PLCH1: variants seen among roughly 807,000 people sequenced by gnomAD.
The protein encoded by PLCH1 is 1-phosphatidylinositol 4,5-bisphosphate phosphodiesterase eta-1.
In PLCH1, 60 loss-of-function variants were observed where a neutral mutation model predicts 126.7. That is an observed-to-expected ratio of 0.47 (90% CI 0.38 to 0.59). The LOEUF is 0.59. PLCH1 is among the 20% of genes least tolerant of loss of function. The probability of loss-of-function intolerance (pLI) is 0.00; values close to 1 mark genes in which losing one functional copy is unlikely to be tolerated. For missense variants in PLCH1, 1,723 were observed against 2,040.0 expected (o/e 0.84, Z 2.99); for synonymous variants, 719 against 734.9 (o/e 0.98, Z 0.35).
intron 12 of PLCH1, among the ~76,000 whole-genome samples, chr3:155,506,188 C>T (rs66977664): frequency 0.15 from 23,376 of 151,804 alleles, 2,337 homozygotes; most frequent in African/African-American, 0.29. Flanking sequence ...TAATTAAATT[C>T]CAATTTTACA....
In PLCH1 at chr3:155,596,427, T is replaced by C. The variant is rs372492178; in HGVS notation, c.80-49A>G. The stretch of plus-strand genomic sequence containing the variant: ...CCAGCTATCACACAATGCACAGGCA[T>C]ACTGGTGTCCAGGTTTTAGAGTCAA... On this transcript the variant is annotated intron_variant, in intron 2 of 22. Transcript: ENST00000460012. The C allele has an allele frequency of 6.6e-6, 10 of 1,514,150 alleles. No individual in the cohort carries two copies. In the South Asian group the frequency reaches 8.5e-5, roughly 13 times the overall value. The allele number at this position is 1,514,150 out of a possible 1,614,324, so 93.8% of individuals were successfully genotyped here. A position where few individuals can be genotyped will look rare whatever the true frequency, so the allele number is the denominator to read the frequency against.
intron 12 of PLCH1, among the ~76,000 whole-genome samples, chr3:155,508,529 A>G (rs1718978126): frequency 7.4e-6 from 1 of 134,474 alleles, no homozygotes; most frequent in Non-Finnish European, 1.5e-5. Context: ...AATACGTCCC[A>G]TCAATACCTA....
intron 1 of PLCH1, among the ~76,000 whole-genome samples, chr3:155,717,501 C>A (rs1747613124): frequency 1.3e-5 from 2 of 152,230 alleles, no homozygotes; most frequent in South Asian, 4.1e-4. Flanking sequence ...GGGAGGCTAC[C>A]AAGCCTCATT....
In PLCH1 at chr3:155,497,372, A is replaced by G. The variant is rs754856146; in HGVS notation, c.1842T>C (p.Ser614=). ...CGGAGTTTGTGTACACAACCAAATC[A>G]GAGAGTTCTCGGCAGAGCTTCATGG... The part of the protein sequence containing the change: ...RKTMKLCREL[S]DLVVYTNSVA... Residue 614 remains serine, a synonymous_variant, in exon 15 of 23, where the codon TCT becomes TCC. Transcript: ENST00000460012. 13 of 1,614,066 alleles carry G rather than the reference A, an allele frequency of 8.1e-6. No individual in the cohort carries two copies. The highest frequency in any genetic ancestry group is 1.1e-5 in the Non-Finnish European group (13 of 1,179,908).
chr3:155,486,626 G>A (rs1434167668), intron 21 of PLCH1, among the ~76,000 whole-genome samples: 3 of 146,826 alleles, frequency 2.0e-5, no homozygotes, highest in East Asian at 2.1e-4. Context: ...CCGGGTTCAC[G>A]CCATTCTCCT....
intron 22 of PLCH1, among the ~76,000 whole-genome samples, chr3:155,483,751 G>GT (rs1714557112): frequency 6.6e-6 from 1 of 152,052 alleles, no homozygotes; most frequent in South Asian, 2.1e-4. Context: ...AAAAGTGGCA[G>GT]TAAGTTGTCA....
At position 155,633,964 on chromosome 3, in the gene PLCH1, C is replaced by CT. The variant is rs933800955; in HGVS notation, c.80-37587dup. ...CATGGTGAAGCATTCCTGACTCCATCTTTTTTTTTAACTTAAAGGTATTAT... is the reference window on the plus strand; with the variant it reads ...CATGGTGAAGCATTCCTGACTCCATCTTTTTTTTTTAACTTAAAGGTATTAT... On this transcript the variant is annotated intron_variant, in intron 2 of 22. Transcript: ENST00000460012. Among the ~76,000 whole-genome samples, 7 of 151,392 alleles carry CT rather than the reference C, an allele frequency of 4.6e-5. No homozygotes were observed. In the East Asian group the frequency reaches 1.4e-3, roughly 29 times the overall value.
intron 21 of PLCH1, 71 bp from the exon 22 acceptor site, chr3:155,485,781 C>T: frequency 4.3e-6 from 4 of 922,240 alleles, no homozygotes; most frequent in Non-Finnish European, 6.5e-6. Context: ...TTGAAAATGA[C>T]AGCTCCATGA....
At chr3:155,608,295 C>T (rs761965310) in intron 2 of PLCH1, among the ~76,000 whole-genome samples, 1 of 152,134 alleles carries the variant, frequency 6.6e-6, no homozygotes, top group Non-Finnish European at 1.5e-5. Flanking sequence ...ATAATAATTT[C>T]GACTGAGCAT....
rs115033751 is a variant in PLCH1 at position 155,495,969 on chromosome 3, A to C, written c.1894+1351T>G. 6.4e-3 allele frequency among the ~76,000 whole-genome samples: 982 copies of C among 152,318 alleles called. 9 individuals carry two copies. Among genetic ancestry groups the C allele is most frequent in the African/African-American group, 0.023 (937 of 41,566 alleles). On this transcript the variant is annotated intron_variant, in intron 15 of 22. Coordinates refer to ENST00000460012, the MANE Select transcript of PLCH1 (RefSeq NM_014996.4). ...TATAGGAGAAAATATCTTTTTGACA[A>C]GCCTAATTCAGATAGAATAGGACTA...
intron 10 of PLCH1, among the ~76,000 whole-genome samples, chr3:155,534,504 T>A (rs1723097959): frequency 6.6e-6 from 1 of 152,204 alleles, no homozygotes; most frequent in South Asian, 2.1e-4. Flanking sequence ...GGGACTTCCC[T>A]CGTCTCAGAT....
intron 4 of PLCH1, among the ~76,000 whole-genome samples, chr3:155,593,737 A>G (rs1298628841): frequency 6.6e-6 from 1 of 152,216 alleles, no homozygotes; most frequent in Non-Finnish European, 1.5e-5. Context: ...TCCTGAGTTC[A>G]TACAAGCTTA....
At chr3:155,565,234 G>A in intron 7 of PLCH1, 116 bp from the exon 8 acceptor site, 3 of 660,556 alleles carry the variant, frequency 4.5e-6, no homozygotes, top group South Asian at 3.7e-5. Context: ...TTACCCTCAG[G>A]ATGGCATTTG....
chr3:155,708,628 T>C (rs1746864070), intron 1 of PLCH1, among the ~76,000 whole-genome samples: 1 of 152,198 alleles, frequency 6.6e-6, no homozygotes, highest in African/African-American at 2.4e-5. Flanking sequence ...TTAGACAATT[T>C]ATATTACATT....
In PLCH1 at chr3:155,676,017, T is replaced by A. The variant is rs1476622087; in HGVS notation, c.79+28129A>T. 4 of 1,538,392 alleles carry A rather than the reference T, an allele frequency of 2.6e-6. No homozygotes were observed. In the African/African-American group the frequency reaches 5.5e-5, roughly 21 times the overall value. On this transcript the variant is annotated intron_variant, in intron 2 of 22. Coordinates refer to ENST00000460012, the MANE Select transcript of PLCH1 (RefSeq NM_014996.4). ...CTTACCTTTTTCTGGACTTAAGTTTTTATACACTTCAAGGTCTGCCATTAA... is the reference window on the plus strand; with the variant it reads ...CTTACCTTTTTCTGGACTTAAGTTTATATACACTTCAAGGTCTGCCATTAA...
chr3:155,451,701 G>A (rs1712312620), intron 21 of PLCH1, among the ~76,000 whole-genome samples: 1 of 152,102 alleles, frequency 6.6e-6, no homozygotes, highest in African/African-American at 2.4e-5. Flanking sequence ...TAAAAGTAAT[G>A]GCAAAATACT....
chr3:155,560,059 G>A (rs950018313), intron 8 of PLCH1, among the ~76,000 whole-genome samples: 2 of 152,096 alleles, frequency 1.3e-5, no homozygotes, highest in Non-Finnish European at 2.9e-5. Context: ...TTTTGGACAG[G>A]TAAACCAAAA....
downstream of PLCH1, among the ~76,000 whole-genome samples, chr3:155,479,596 C>G (rs955689580): frequency 5.3e-5 from 8 of 151,988 alleles, no homozygotes; most frequent in South Asian, 1.7e-3. Flanking sequence ...CCGCTTCCCT[C>G]CCACCACCCA....
At chr3:155,575,934 C>G (rs1013063314) in intron 6 of PLCH1, among the ~76,000 whole-genome samples, 1 of 152,206 alleles carries the variant, frequency 6.6e-6, no homozygotes, top group African/African-American at 2.4e-5. Flanking sequence ...GGGCAAACCA[C>G]TGGGCCTGGC....
Sources: allele counts gnomAD v4.1 joint callset (sites outside exome capture counted in the v4.1 genomes callset), GRCh38; gene constraint gnomAD v4.1.1; transcripts MANE v1.5; gene names NCBI Gene and HGNC (gene_info 2026-07-23, HGNC 2026-07-21).